Variants in PGBD2 observed in about 807,000 individuals in gnomAD.
The protein encoded by PGBD2 is piggyBac transposable element derived 2.
PGBD2 carries 6 observed loss-of-function variants against 8.1 expected under a neutral mutation model. The observed-to-expected ratio is 0.74, with a 90% CI of 0.40 to 1.46. The LOEUF (loss-of-function observed/expected upper bound fraction) is 1.46. Among genes scored for constraint, PGBD2 ranks in the 40% most tolerant of loss-of-function variants. PGBD2 has a pLI of 0.02. For missense variants in PGBD2, 802 were observed against 739.0 expected (o/e 1.09, Z -0.99); for synonymous variants, 318 against 272.2 (o/e 1.17, Z -1.66).
chr1:248,885,498 C>T, the PGBD2 span, among the ~76,000 whole-genome samples: 3 of 151,934 alleles, frequency 2.0e-5, no homozygotes, highest in Non-Finnish European at 4.4e-5. Context: ...TAATATAGTA[C>T]CCAACAGAGC....
At chr1:248,909,593 C>T (rs1011420494) in intron 1 of PGBD2, among the ~76,000 whole-genome samples, 1 of 152,100 alleles carries the variant, frequency 6.6e-6, no homozygotes, top group Non-Finnish European at 1.5e-5. Flanking sequence ...TGCCAGATGC[C>T]ATGTTGCCTT....
At chr1:248,905,091 C>T (rs1297793034), upstream of PGBD2, among the ~76,000 whole-genome samples, 3 of 152,186 alleles carry the variant, frequency 2.0e-5, no homozygotes, top group Non-Finnish European at 4.4e-5. Context: ...CCCATTTTCC[C>T]ATGGCTTATT....
At chr1:248,928,829 A>G in the PGBD2 span, among the ~76,000 whole-genome samples, 1 of 152,234 alleles carries the variant, frequency 6.6e-6, no homozygotes, top group Admixed American at 6.5e-5. Flanking sequence ...TTCGCACCTT[A>G]AATCTGTGAA....
At chr1:248,914,667 A>AC (rs1662028079) in intron 2 of PGBD2, 1 of 1,160,488 alleles carries the variant, frequency 8.6e-7, no homozygotes, top group Admixed American at 2.4e-5. Context: ...AGCTGCAGGG[A>AC]CCTCTGTGCC....
At chr1:248,892,076 G>A in the PGBD2 span, among the ~76,000 whole-genome samples, 1 of 152,214 alleles carries the variant, frequency 6.6e-6, no homozygotes, top group Admixed American at 6.5e-5. Context: ...GCCTGCCTGG[G>A]AAGCACAGAT....
chr1:248,898,433 C>T, the PGBD2 span, among the ~76,000 whole-genome samples: 1 of 152,148 alleles, frequency 6.6e-6, no homozygotes, highest in Non-Finnish European at 1.5e-5. Flanking sequence ...GGATTACAGG[C>T]GTGAGCCACC....
chr1:248,876,076 T>G, the PGBD2 span, among the ~76,000 whole-genome samples: 1 of 151,966 alleles, frequency 6.6e-6, no homozygotes, highest in African/African-American at 2.4e-5. Context: ...TGGTGTGATC[T>G]TGGCTCACCG....
Position 248,916,975 on chromosome 1 carries a change from A to G in PGBD2, c.391A>G (p.Ile131Val), listed in dbSNP as rs1572280371. Residue 131 changes from isoleucine (I) to valine (V), a missense_variant, in exon 3 of 3, where the codon ATT (isoleucine) becomes GTT (valine). Physicochemically the swap from Ile to Val is conservative, Grantham distance 29. Coordinates refer to ENST00000329291, the MANE Select transcript of PGBD2 (RefSeq NM_170725.3). ...FGSWTASDPH[I>V]EDLKSQELSP... Reference sequence around the variant, plus strand: ...CAGTTGGACTGCATCAGATCCTCATATTGAGGATCTGAAAAGCCAAGAGCT... The same window carrying G: ...CAGTTGGACTGCATCAGATCCTCATGTTGAGGATCTGAAAAGCCAAGAGCT... 4 of 1,612,696 alleles carry G rather than the reference A, an allele frequency of 2.5e-6. No individual in the cohort carries two copies. The African/African-American group carries it at 4.0e-5, about 16-fold the overall frequency.
At chr1:248,930,124 T>A in the PGBD2 span, among the ~76,000 whole-genome samples, 8 of 152,200 alleles carry the variant, frequency 5.3e-5, no homozygotes, top group African/African-American at 1.7e-4. Flanking sequence ...TCTTGTTTTA[T>A]AAAAGCATCC....
intron 2 of PGBD2, chr1:248,914,404 C>T (rs1482458467): frequency 1.6e-6 from 2 of 1,222,632 alleles, no homozygotes; most frequent in East Asian, 5.7e-5. Context: ...AATTTTCTTT[C>T]CCTTTAAGCC....
chr1:248,913,904 T>C (rs1263467251), intron 2 of PGBD2, 25 bp downstream of exon 2: 1 of 1,596,024 alleles, frequency 6.3e-7, no homozygotes, highest in Non-Finnish European at 8.6e-7. Flanking sequence ...TGATCAAATG[T>C]TTTATTGAAG....
At chr1:248,879,601 T>C in the PGBD2 span, among the ~76,000 whole-genome samples, 16 of 152,148 alleles carry the variant, frequency 1.1e-4, no homozygotes, top group Non-Finnish European at 1.6e-4. Context: ...GGTCTTGCTA[T>C]GTTGCCCAGG....
the PGBD2 span, among the ~76,000 whole-genome samples, chr1:248,883,082 C>T: frequency 6.6e-6 from 1 of 152,218 alleles, no homozygotes; most frequent in East Asian, 1.9e-4. Flanking sequence ...TAGCCTGCAC[C>T]TGGAGGGTTT....
chr1:248,910,892 T>G lies in PGBD2; in HGVS notation c.-47-2924T>G, dbSNP rs563034632. On this transcript the variant is annotated intron_variant, in intron 1 of 2. Transcript: ENST00000329291. Reference sequence around the variant, plus strand: ...GTGGTATAATTGACATGCAACAAACTGCGTATATTCGAAGTGTGTAATTTG... The same window carrying G: ...GTGGTATAATTGACATGCAACAAACGGCGTATATTCGAAGTGTGTAATTTG... Among the ~76,000 whole-genome samples, 9 of 152,162 alleles carry G rather than the reference T, an allele frequency of 5.9e-5. No homozygotes were observed. The East Asian group carries it at 7.7e-4, about 13-fold the overall frequency.
the PGBD2 span, among the ~76,000 whole-genome samples, chr1:248,874,240 T>G: frequency 0.011 from 1,615 of 152,278 alleles, 42 homozygotes; most frequent in African/African-American, 0.037. Context: ...AAATGACGCA[T>G]CATGTCTTCC....
the PGBD2 span, among the ~76,000 whole-genome samples, chr1:248,885,262 G>A: frequency 0.022 from 3,372 of 151,896 alleles, 140 homozygotes; most frequent in African/African-American, 0.077. Flanking sequence ...AGTTTCTTGA[G>A]TAGCTAGGAC....
chr1:248,908,474 A>AC (rs149486146), intron 1 of PGBD2, among the ~76,000 whole-genome samples: 4 of 145,484 alleles, frequency 2.7e-5, no homozygotes, highest in African/African-American at 1.0e-4. Context: ...CCCCTGCCCT[A>AC]CCCCCTCAAC....
the PGBD2 span, among the ~76,000 whole-genome samples, chr1:248,928,554 C>G: frequency 6.6e-6 from 1 of 152,128 alleles, no homozygotes; most frequent in African/African-American, 2.4e-5. Context: ...AATAAGTAGG[C>G]AATATCTCAT....
chr1:248,893,381 T>G, the PGBD2 span, among the ~76,000 whole-genome samples: 2 of 152,120 alleles, frequency 1.3e-5, no homozygotes, highest in African/African-American at 4.8e-5. Flanking sequence ...CCCATATCCC[T>G]CTCCCCCATC....
Sources: gnomAD v4.1 joint callset for allele counts (sites outside exome capture counted in the v4.1 genomes callset) on GRCh38, gnomAD v4.1.1 for gene constraint, MANE v1.5 for transcripts, NCBI Gene and HGNC (gene_info 2026-07-23, HGNC 2026-07-21) for gene names.